Variants in GLCE observed in about 807,000 individuals in gnomAD.
The protein encoded by GLCE is glucuronic acid epimerase.
A neutral mutation model predicts 47.9 loss-of-function variants in GLCE; 19 were observed. That is an observed-to-expected ratio of 0.40 (90% confidence interval 0.28 to 0.58). The LOEUF (loss-of-function observed/expected upper bound fraction) is 0.58, where lower values mean the gene tolerates loss of function less well. Ranked by LOEUF, GLCE falls within the 20% of genes least tolerant of loss-of-function variation. The probability of loss-of-function intolerance (pLI) is 0.48; values close to 1 mark genes in which losing one functional copy is unlikely to be tolerated. For missense variants in GLCE, 556 were observed against 743.3 expected (o/e 0.75, Z 2.93); for synonymous variants, 245 against 263.4 (o/e 0.93, Z 0.68).
intron 1 of GLCE, among the ~76,000 whole-genome samples, chr15:69,173,843 A>G (rs895271437): frequency 6.6e-6 from 1 of 152,186 alleles, no homozygotes; most frequent in Non-Finnish European, 1.5e-5. Context: ...AAATTATAGT[A>G]TGAAATAATT....
chr15:69,188,764 G>T (rs1032984855), intron 1 of GLCE, among the ~76,000 whole-genome samples: 7 of 151,930 alleles, frequency 4.6e-5, no homozygotes, highest in African/African-American at 1.7e-4. Context: ...TGTGATATTG[G>T]TAATTTATGT....
chr15:69,164,143 TC>T (rs2140321238), intron 1 of GLCE, among the ~76,000 whole-genome samples: 1 of 152,162 alleles, frequency 6.6e-6, no homozygotes, highest in African/African-American at 2.4e-5. Flanking sequence ...GGTACAGACT[TC>T]AGGAAATTTC....
chr15:69,192,913 C>T (rs1324640807), intron 1 of GLCE, among the ~76,000 whole-genome samples: 1 of 152,080 alleles, frequency 6.6e-6, no homozygotes, highest in Non-Finnish European at 1.5e-5. Flanking sequence ...TATCTTACAA[C>T]TCCTGGTAAT....
chr15:69,183,103 G>C (rs1234865389), intron 1 of GLCE, among the ~76,000 whole-genome samples: 1 of 152,130 alleles, frequency 6.6e-6, no homozygotes, highest in Non-Finnish European at 1.5e-5. Flanking sequence ...ATAGGGTTGA[G>C]GGAAGGATCA....
intron 1 of GLCE, among the ~76,000 whole-genome samples, chr15:69,174,562 A>G (rs2140332735): frequency 1.3e-5 from 2 of 152,354 alleles, no homozygotes; most frequent in South Asian, 4.1e-4. Context: ...TTGCGCTGAG[A>G]TCGCACCAGT....
rs974008539 is a variant in GLCE, at chr15:69,270,543, A to G, written c.*1299A>G. 3.9e-5 allele frequency: 6 copies of G among 152,196 alleles called. No individual in the cohort carries two copies. Among genetic ancestry groups the G allele is most frequent in the Non-Finnish European group, 8.8e-5 (6 of 68,024 alleles). The allele number at this position is 152,196 out of a possible 1,614,324, so 9.4% of individuals were successfully genotyped here. A position where few individuals can be genotyped will look rare whatever the true frequency, so the allele number is the denominator to read the frequency against. On this transcript the variant is annotated 3_prime_UTR_variant, in exon 5 of 5. Coordinates refer to ENST00000261858, the MANE Select transcript of GLCE (RefSeq NM_015554.3). ...TGTGACAGTACACTAAATCAATACTATATCTTATACAGTTTGAAAATATGA... is the reference window on the plus strand; with the variant it reads ...TGTGACAGTACACTAAATCAATACTGTATCTTATACAGTTTGAAAATATGA...
At chr15:69,229,559 T>G (rs2052492702) in intron 2 of GLCE, among the ~76,000 whole-genome samples, 1 of 152,230 alleles carries the variant, frequency 6.6e-6, no homozygotes, top group African/African-American at 2.4e-5. Flanking sequence ...GAAACTTTTT[T>G]CTTAAAGATA....
intron 1 of GLCE, among the ~76,000 whole-genome samples, chr15:69,194,902 A>G (rs958094602): frequency 1.3e-5 from 2 of 152,174 alleles, no homozygotes; most frequent in East Asian, 1.9e-4. Context: ...AGATTCTTAT[A>G]TAGTCTTTAT....
At chr15:69,173,398 A>T (rs531445945) in intron 1 of GLCE, among the ~76,000 whole-genome samples, 2 of 152,222 alleles carry the variant, frequency 1.3e-5, no homozygotes, top group Non-Finnish European at 2.9e-5. Flanking sequence ...TCCTGACTCA[A>T]ATCTGAGATT....
chr15:69,182,977 C>T (rs991939002), intron 1 of GLCE, among the ~76,000 whole-genome samples: 2 of 151,938 alleles, frequency 1.3e-5, no homozygotes, highest in African/African-American at 4.8e-5. Context: ...CCAGCCTGGG[C>T]GACAGGGTGA....
At chr15:69,181,744 T>C (rs2051751455) in intron 1 of GLCE, among the ~76,000 whole-genome samples, 2 of 152,108 alleles carry the variant, frequency 1.3e-5, no homozygotes, top group Non-Finnish European at 1.5e-5. Context: ...GGAATTTTGC[T>C]GAAGAGGGAG....
At chr15:69,188,134 C>G (rs2051855054) in intron 1 of GLCE, among the ~76,000 whole-genome samples, 1 of 151,566 alleles carries the variant, frequency 6.6e-6, no homozygotes, top group South Asian at 2.1e-4. Context: ...TCCTAGCTAC[C>G]CAGGAGTCTG....
At chr15:69,261,375 G>A in intron 4 of GLCE, 46 bp downstream of exon 4, 1 of 1,583,854 alleles carries the variant, frequency 6.3e-7, no homozygotes, top group East Asian at 2.2e-5. Context: ...GTTGATTTAT[G>A]GGACCCTGAT....
At chr15:69,194,672 A>G (rs2051960164) in intron 1 of GLCE, 1 of 152,148 alleles carries the variant, frequency 6.6e-6, no homozygotes, top group South Asian at 2.1e-4. Flanking sequence ...TTGAAGTGGT[A>G]TTTGGTATCT....
At chr15:69,176,878 A>G (rs1250137041) in intron 1 of GLCE, among the ~76,000 whole-genome samples, 1 of 152,192 alleles carries the variant, frequency 6.6e-6, no homozygotes, top group African/African-American at 2.4e-5. Context: ...TTTTGTTTTG[A>G]TTGTACAATG....
At chr15:69,186,365 A>G (rs1340433239) in intron 1 of GLCE, among the ~76,000 whole-genome samples, 1 of 152,182 alleles carries the variant, frequency 6.6e-6, no homozygotes, top group Non-Finnish European at 1.5e-5. Flanking sequence ...AAAGACAAAC[A>G]AGGGCTATAG....
chr15:69,187,370 A>T (rs1161830909), intron 1 of GLCE, among the ~76,000 whole-genome samples: 1 of 152,190 alleles, frequency 6.6e-6, no homozygotes. Flanking sequence ...CTGTGTTACT[A>T]TGTACAAGCA....
intron 2 of GLCE, among the ~76,000 whole-genome samples, chr15:69,227,313 C>T (rs1361637777): frequency 6.6e-6 from 1 of 152,048 alleles, no homozygotes; most frequent in African/African-American, 2.4e-5. Flanking sequence ...TCATTAGAGA[C>T]CCCTATTTGT....
chr15:69,261,303 C>T lies in GLCE; in HGVS notation c.803C>T (p.Thr268Ile), dbSNP rs774471217. 1 of 1,613,696 alleles carries T rather than the reference C, an allele frequency of 6.2e-7. No homozygotes were observed. The highest frequency in any genetic ancestry group is 8.5e-7 in the Non-Finnish European group (1 of 1,179,904). Residue 268 changes from threonine (T) to isoleucine (I), a missense_variant, in exon 4 of 5, where the codon ACC becomes ATC. Thr to Ile is a moderately conservative substitution (Grantham distance 89). Coordinates refer to ENST00000261858, the MANE Select transcript of GLCE (RefSeq NM_015554.3). ...MANVADKSRF[T>I]NVKQFIAPET... ...AATGTGGCTGATAAGTCTAGATTCA[C>T]CAATGTCAAACAGTTTATTGCACCA...
Sources: allele counts gnomAD v4.1 joint callset (sites outside exome capture counted in the v4.1 genomes callset), GRCh38; gene constraint gnomAD v4.1.1; transcripts MANE v1.5; gene names NCBI Gene and HGNC (gene_info 2026-07-23, HGNC 2026-07-21).